The following NFRKB variants were observed in gnomAD, a reference collection of about 807,000 sequenced individuals.
NFRKB encodes nuclear factor related to kappaB binding protein.
NFRKB carries 62 observed loss-of-function variants against 135.7 expected under a neutral mutation model. The observed-to-expected ratio is 0.46, with a 90% CI of 0.37 to 0.56. NFRKB has a LOEUF of 0.56. Ranked by LOEUF, NFRKB falls within the 20% of genes least tolerant of loss-of-function variation. NFRKB has a pLI of 0.00. For synonymous variants in NFRKB, 678 were observed against 635.6 expected (o/e 1.07, Z -1.00); for missense variants, 1,545 against 1,662.0 (o/e 0.93, Z 1.22).
At chr11:129,885,764 C>A (rs184285705) in intron 5 of NFRKB, among the ~76,000 whole-genome samples, 155 bp from the exon 6 acceptor site, 47 of 152,264 alleles carry the variant, frequency 3.1e-4, no homozygotes, top group African/African-American at 1.1e-3. Context: ...TTAATATATC[C>A]GAAGAATCTG....
Position 129,876,849 on chromosome 11 carries a change from A to G in NFRKB, c.1619T>C (p.Met540Thr). Reference sequence around the variant, plus strand: ...CCCCACCACAGACTCAAAGCCGTGCATGCGAAAGGTGAACGCCTTATGGGG... The same window carrying G: ...CCCCACCACAGACTCAAAGCCGTGCGTGCGAAAGGTGAACGCCTTATGGGG... ...SQPHKAFTFR[M>T]HGFESVVGPV... Residue 540 changes from methionine to threonine, a missense_variant, in exon 17 of 27, where the codon ATG (methionine) becomes ACG (threonine). This residue lies in a region of NFRKB where 114 missense variants were observed against 211.0 expected (regional missense o/e 0.54). Coordinates refer to ENST00000682444, the MANE Select transcript of NFRKB (RefSeq NM_001143835.2). 6 of 1,614,202 alleles carry G rather than the reference A, an allele frequency of 3.7e-6. No individual in the cohort carries two copies. Among genetic ancestry groups the G allele is most frequent in the Non-Finnish European group, 5.1e-6 (6 of 1,180,032 alleles).
intron 13 of NFRKB, among the ~76,000 whole-genome samples, chr11:129,878,788 C>T (rs1370970587): frequency 1.3e-5 from 2 of 152,240 alleles, no homozygotes; most frequent in Non-Finnish European, 2.9e-5. Flanking sequence ...CCACGCACTG[C>T]ATGTGACGCT....
rs543472793 is a variant in NFRKB at position 129,874,046 on chromosome 11, C to A, written c.2280-31G>T. 266 of 1,602,080 alleles carry A rather than the reference C, an allele frequency of 1.7e-4. 2 individuals carry two copies. The South Asian group carries it at 2.6e-3, about 16-fold the overall frequency. On this transcript the variant is annotated intron_variant, in intron 21 of 26. Transcript: ENST00000682444. This position sits in a 1 kb window ranked among gnomAD's most constrained non-coding sequence, Gnocchi z 4.5. ...AAGAACATCGGGGAAAGACAAAAAA[C>A]AAAAACTTAGGACATGCATACAAAA...
intron 24 of NFRKB, among the ~76,000 whole-genome samples, chr11:129,868,398 C>G (rs762989767): frequency 2.6e-5 from 4 of 152,168 alleles, no homozygotes; most frequent in Admixed American, 6.5e-5. Flanking sequence ...CCCTTTTCAC[C>G]AGTAAGACAG....
Position 129,882,190 on chromosome 11 carries a change from G to A in NFRKB, c.1087C>T (p.Leu363Phe), listed in dbSNP as rs768462791. The A allele has an allele frequency of 1.3e-6, 2 of 1,598,462 alleles. No homozygotes were observed. Among genetic ancestry groups the A allele is most frequent in the Non-Finnish European group, 1.7e-6 (2 of 1,175,912 alleles). ...CCAAGGCAAGGCTTGAGGTCTTCAA[G>A]GGGCCTAATGAGGGAAGAAAAATAT... ...LAIPAIKEEPLEDLKPCLGIN... is the reference protein window; with the variant it reads ...LAIPAIKEEPFEDLKPCLGIN... Residue 363 changes from leucine to phenylalanine, a missense_variant, in exon 11 of 27, where the codon CTT (leucine) becomes TTT (phenylalanine). This residue lies in a region of NFRKB where 678 missense variants were observed against 646.7 expected (regional missense o/e 1.05). Transcript: ENST00000682444.
chr11:129,885,441 C>A lies in NFRKB; in HGVS notation c.634G>T (p.Glu212Ter). The change falls in exon 6 of 27, where the codon GAA becomes TAA. Residue 212 changes from glutamate (E) to a stop codon, truncating the protein, a stop_gained. Transcript: ENST00000682444. LOFTEE classifies it high-confidence loss of function. Reference protein sequence around the residue: ...ECGDTALSSDEEDLSSWLPSS... With the variant: ...ECGDTALSSD ...AGTGCCCGAGGACACTCACCCTCTTCATCAGATGACAGGGCTGTGTCACCA... is the reference window on the plus strand; with the variant it reads ...AGTGCCCGAGGACACTCACCCTCTTAATCAGATGACAGGGCTGTGTCACCA... The A allele has an allele frequency of 6.2e-7, 1 of 1,607,710 alleles. No homozygotes were observed.
intron 4 of NFRKB, among the ~76,000 whole-genome samples, chr11:129,887,990 T>C (rs1442168147): frequency 6.6e-6 from 1 of 152,142 alleles, no homozygotes; most frequent in Non-Finnish European, 1.5e-5. Context: ...TGAGCTGAGA[T>C]TGCGCCACTG....
In NFRKB at chr11:129,874,152, C is replaced by G. The variant is rs916022458; in HGVS notation, c.2240G>C (p.Gly747Ala). 2.0e-6 allele frequency: 3 copies of G among 1,526,930 alleles called. No homozygotes were observed. The African/African-American group carries it at 4.2e-5, about 21-fold the overall frequency. 94.6% of individuals were successfully genotyped at this position (1,526,930 alleles called of 1,614,324 possible). A position where few individuals can be genotyped will look rare whatever the true frequency, so the allele number is the denominator to read the frequency against. ...PPPVSAVNKS[G>A]PSTVSEPAKS... ...AGCTGGTTCTGAGACTGTGGAAGGG[C>G]CGCTTTTGTTCACTGCCGATACAGG... The change falls in exon 21 of 27, where the codon GGC (glycine) becomes GCC (alanine). Residue 747 changes from glycine to alanine, a missense_variant. By Grantham distance (60) the Gly-to-Ala change is moderately conservative (BLOSUM62 0). This residue lies in a region of NFRKB where 753 missense variants were observed against 804.3 expected (regional missense o/e 0.94). Transcript: ENST00000682444. This position sits in a 1 kb window ranked among gnomAD's most constrained non-coding sequence, Gnocchi z 4.5.
In NFRKB at chr11:129,884,747, G is replaced by A; in HGVS notation, c.740C>T (p.Ala247Val). The change falls in exon 7 of 27, where the codon GCA becomes GTA. Residue 247 changes from alanine to valine, a missense_variant and splice_region_variant. Around this residue, in one of 3 missense-constraint regions of NFRKB, gnomAD observed 678 missense variants for 646.7 expected, o/e 1.05. Coordinates refer to ENST00000682444, the MANE Select transcript of NFRKB (RefSeq NM_001143835.2). ...PTLSTTDMKTADKVELGDSDL... is the reference protein window; with the variant it reads ...PTLSTTDMKTVDKVELGDSDL... Reference sequence around the variant, plus strand: ...GACAGCGGCAGCTTGGTTCTCACCTGCAGTTTTCATATCCGTGGTTGAAAG... The same window carrying A: ...GACAGCGGCAGCTTGGTTCTCACCTACAGTTTTCATATCCGTGGTTGAAAG... 6.2e-7 allele frequency: 1 copy of A among 1,613,724 alleles called. No individual in the cohort carries two copies. The highest frequency in any genetic ancestry group is 8.5e-7 in the Non-Finnish European group (1 of 1,179,986).
chr11:129,884,665 C>T, intron 7 of NFRKB, 80 bp downstream of exon 7: 1 of 1,511,126 alleles, frequency 6.6e-7, no homozygotes, highest in Non-Finnish European at 9.1e-7. Flanking sequence ...GAATCTGCCC[C>T]CACCCACCTC....
At chr11:129,877,288 C>T in intron 16 of NFRKB, 37 bp downstream of exon 16, 1 of 1,598,518 alleles carries the variant, frequency 6.3e-7, no homozygotes, top group Non-Finnish European at 8.6e-7. Flanking sequence ...GCATGGCTCA[C>T]AGAGGCAGAG....
intron 13 of NFRKB, among the ~76,000 whole-genome samples, chr11:129,880,477 C>G (rs567017854): frequency 3.9e-5 from 6 of 152,246 alleles, no homozygotes; most frequent in African/African-American, 1.2e-4. Context: ...AAATCTTCCC[C>G]ATGGAAAGGT....
rs1014038682 is a variant in NFRKB at position 129,892,838 on chromosome 11, T to C, written c.12A>G (p.Leu4=). The part of the protein sequence containing the change: MDS[L]DHMLTDPLEL... ...CCAGAGGATCTGTCAGCATATGGTC[T>C]AAGGAATCCATTGTTTCTTCTCCAC... The change falls in exon 3 of 27, where the codon TTA becomes TTG. Residue 4 remains leucine (L), a synonymous_variant. Transcript: ENST00000682444. The C allele has an allele frequency of 1.5e-5, 24 of 1,614,084 alleles. No individual in the cohort carries two copies. Among genetic ancestry groups the C allele is most frequent in the Middle Eastern group, 1.6e-4 (1 of 6,082 alleles).
intron 13 of NFRKB, among the ~76,000 whole-genome samples, chr11:129,880,140 A>C (rs1474839494): frequency 6.6e-6 from 1 of 151,968 alleles, no homozygotes; most frequent in Non-Finnish European, 1.5e-5. Flanking sequence ...CAGTGAGCCA[A>C]GATCGTGCCA....
intron 9 of NFRKB, 127 bp downstream of exon 9, chr11:129,882,995 A>G (rs1949101769): frequency 2.6e-6 from 2 of 769,282 alleles, no homozygotes; most frequent in Non-Finnish European, 2.1e-6. Context: ...GTTAGCCTGT[A>G]AGAGGTAATA....
chr11:129,892,686 G>A (rs750275924), intron 3 of NFRKB, 29 bp downstream of exon 3: 1 of 1,608,206 alleles, frequency 6.2e-7, no homozygotes, highest in African/African-American at 1.3e-5. Context: ...TGACAGAGAG[G>A]AAAAGGTCAC....
chr11:129,872,780 A>C (rs994680671), intron 23 of NFRKB, 104 bp downstream of exon 23: 3 of 1,200,274 alleles, frequency 2.5e-6, no homozygotes, highest in Non-Finnish European at 3.5e-6. Context: ...GAAGATGACA[A>C]ATCTTCTTCC....
rs1242807263 is a variant in NFRKB, at chr11:129,870,067, G to A, written c.2958C>T (p.Thr986=). 1.2e-6 allele frequency: 2 copies of A among 1,614,122 alleles called. No individual in the cohort carries two copies. Among genetic ancestry groups the A allele is most frequent in the African/African-American group, 2.7e-5 (2 of 74,938 alleles). Residue 986 remains threonine (T), a synonymous_variant, in exon 24 of 27, where the codon ACC becomes ACT. Coordinates refer to ENST00000682444, the MANE Select transcript of NFRKB (RefSeq NM_001143835.2). ...AGAGGTCCTGGGTCAATTTGACTGTGGTAACCTGGGACTTGGCCAATGTGG... is the reference window on the plus strand; with the variant it reads ...AGAGGTCCTGGGTCAATTTGACTGTAGTAACCTGGGACTTGGCCAATGTGG... ...MMATLAKSQV[T]TVKLTQDLFG... is the part of the protein sequence containing the mutation.
intron 1 of NFRKB, among the ~76,000 whole-genome samples, chr11:129,894,955 A>C (rs1949707970): frequency 6.6e-6 from 1 of 152,208 alleles, no homozygotes; most frequent in Non-Finnish European, 1.5e-5. Flanking sequence ...GTCTAGCTAA[A>C]GTTAATCTAG....
Sources: gnomAD v4.1 joint callset for allele counts (sites outside exome capture counted in the v4.1 genomes callset) on GRCh38, gnomAD v4.1.1 for gene constraint, gnomAD v4.1.1 regional missense constraint, Gnocchi (gnomAD v3.1) non-coding constraint, MANE v1.5 for transcripts, NCBI Gene and HGNC (gene_info 2026-07-23, HGNC 2026-07-21) for gene names.